The following CDIN1 variants were observed in gnomAD, a reference collection of about 807,000 sequenced individuals.
The protein encoded by CDIN1 is CDAN1 interacting nuclease 1, also known as CDAN1-interacting nuclease 1.
A neutral mutation model predicts 45.3 loss-of-function variants in CDIN1; 33 were observed. The observed-to-expected ratio is 0.73, with a 90% CI of 0.55 to 0.97. CDIN1 has a LOEUF of 0.97. Among genes scored for constraint, CDIN1 ranks in the 50% least tolerant of loss-of-function variants. CDIN1 has a pLI of 0.00. For synonymous variants in CDIN1, 118 were observed against 124.4 expected (o/e 0.95, Z 0.34); for missense variants, 303 against 339.4 (o/e 0.89, Z 0.84).
At chr15:36,715,097 T>C (rs1448260525) in intron 10 of CDIN1, among the ~76,000 whole-genome samples, 1 of 152,170 alleles carries the variant, frequency 6.6e-6, no homozygotes, top group African/African-American at 2.4e-5. Context: ...GAAAGCCATT[T>C]CTTGTTCTGA....
chr15:36,638,688 A>G (rs2140380157), intron 1 of CDIN1, among the ~76,000 whole-genome samples: 1 of 152,360 alleles, frequency 6.6e-6, no homozygotes, highest in East Asian at 1.9e-4. Flanking sequence ...TTATGAAGTT[A>G]AAGAAAAACT....
chr15:36,703,695 A>G (rs920673424), intron 8 of CDIN1, among the ~76,000 whole-genome samples: 1 of 152,092 alleles, frequency 6.6e-6, no homozygotes, highest in Admixed American at 6.6e-5. Context: ...GGTCCTGTGC[A>G]TGGGTGCACT....
In CDIN1 at chr15:36,580,080, G is replaced by A. The variant is rs1229959234; in HGVS notation, c.101+119G>A. ...GAGTGGGGAGGAACACCAGTGTCAGGCGTTAGGAGGTCGAGGTTGGCGAAA... is the reference window on the plus strand; with the variant it reads ...GAGTGGGGAGGAACACCAGTGTCAGACGTTAGGAGGTCGAGGTTGGCGAAA... On this transcript the variant is annotated intron_variant, in intron 1 of 10. Coordinates refer to ENST00000566621, the MANE Select transcript of CDIN1 (RefSeq NM_001321759.2). 6.0e-6 allele frequency: 5 copies of A among 831,718 alleles called. No individual in the cohort carries two copies. The African/African-American group carries it at 8.6e-5, about 14-fold the overall frequency. The allele number at this position is 831,718 out of a possible 1,614,324, so 51.5% of individuals were successfully genotyped here.
At chr15:36,614,470 A>G (rs1291773080) in intron 1 of CDIN1, among the ~76,000 whole-genome samples, 1 of 152,230 alleles carries the variant, frequency 6.6e-6, no homozygotes, top group East Asian at 1.9e-4. Context: ...AAAGCATGTT[A>G]TGATGTACAC....
At chr15:36,793,057 A>T (rs1371092640) in intron 10 of CDIN1, among the ~76,000 whole-genome samples, 1 of 152,066 alleles carries the variant, frequency 6.6e-6, no homozygotes, top group African/African-American at 2.4e-5. Context: ...CACTCGGTGA[A>T]CTTTGACTTC....
At chr15:36,793,957 A>T (rs2054716700) in intron 10 of CDIN1, among the ~76,000 whole-genome samples, 1 of 148,606 alleles carries the variant, frequency 6.7e-6, no homozygotes, top group African/African-American at 2.5e-5. Context: ...CAGAGACTTT[A>T]TTAGTTAAAA....
chr15:36,624,725 C>T (rs1363873786), intron 1 of CDIN1, among the ~76,000 whole-genome samples: 1 of 151,884 alleles, frequency 6.6e-6, no homozygotes, highest in Non-Finnish European at 1.5e-5. Flanking sequence ...GAGTAAGAAG[C>T]AGAAGACAGG....
At chr15:36,748,259 C>T (rs1272181308) in intron 10 of CDIN1, among the ~76,000 whole-genome samples, 5 of 152,216 alleles carry the variant, frequency 3.3e-5, no homozygotes, top group South Asian at 2.1e-4. Context: ...TGGAAAGTAT[C>T]TGTAAGTAAA....
chr15:36,608,825 G>A (rs1034003958), intron 1 of CDIN1, among the ~76,000 whole-genome samples: 7 of 151,938 alleles, frequency 4.6e-5, no homozygotes, highest in Admixed American at 4.6e-4. Context: ...AAAAAACTTG[G>A]CAAGCAATCT....
chr15:36,603,653 C>T (rs1226917110), intron 1 of CDIN1, among the ~76,000 whole-genome samples: 4 of 152,120 alleles, frequency 2.6e-5, no homozygotes, highest in Admixed American at 2.6e-4. Flanking sequence ...AGCTCCTACT[C>T]TCCTATTATA....
chr15:36,702,156 T>C, intron 8 of CDIN1: 1 of 701,758 alleles, frequency 1.4e-6, no homozygotes, highest in Non-Finnish European at 2.6e-6. Context: ...TGGCTGGGTA[T>C]TTCATAAGGA....
At chr15:36,774,465 G>A (rs1469990587) in intron 10 of CDIN1, among the ~76,000 whole-genome samples, 1 of 150,920 alleles carries the variant, frequency 6.6e-6, no homozygotes, top group African/African-American at 2.4e-5. Flanking sequence ...AAAATAAATT[G>A]AACCAAGAAT....
intron 7 of CDIN1, among the ~76,000 whole-genome samples, chr15:36,694,064 AT>A (rs1394088195): frequency 6.6e-6 from 1 of 152,180 alleles, no homozygotes; most frequent in Non-Finnish European, 1.5e-5. Flanking sequence ...TATAAGTTTT[AT>A]TTTCTAGACT....
chr15:36,627,647 T>A (rs1225347378), intron 1 of CDIN1: 1 of 152,348 alleles, frequency 6.6e-6, no homozygotes, highest in Non-Finnish European at 1.5e-5. Flanking sequence ...GGCCTTGCTG[T>A]AGTGGTACTC....
chr15:36,700,392 TA>T (rs1716045700), intron 8 of CDIN1, among the ~76,000 whole-genome samples: 1 of 152,264 alleles, frequency 6.6e-6, no homozygotes, highest in South Asian at 2.1e-4. Context: ...ATTGTCTCGA[TA>T]ATGAAAATAA....
At chr15:36,663,517 A>G (rs1256241770) in intron 5 of CDIN1, among the ~76,000 whole-genome samples, 1 of 152,106 alleles carries the variant, frequency 6.6e-6, no homozygotes, top group Non-Finnish European at 1.5e-5. Context: ...TGTTCTTGTA[A>G]TAGTGAGTGA....
chr15:36,617,619 A>G (rs2038955245), intron 1 of CDIN1: 2 of 772,164 alleles, frequency 2.6e-6, no homozygotes, highest in Non-Finnish European at 4.8e-6. Flanking sequence ...TTGAAGTGTT[A>G]AGTTCTTCTC....
intron 1 of CDIN1, among the ~76,000 whole-genome samples, chr15:36,634,025 T>A (rs2039793196): frequency 6.6e-6 from 1 of 152,002 alleles, no homozygotes; most frequent in African/African-American, 2.4e-5. Context: ...GTGCTGGGAT[T>A]ACAGGTGTGA....
At chr15:36,643,224 G>C (rs186933121) in intron 1 of CDIN1, among the ~76,000 whole-genome samples, 2 of 151,964 alleles carry the variant, frequency 1.3e-5, no homozygotes, top group Non-Finnish European at 2.9e-5. Flanking sequence ...CTTGTAATTT[G>C]GTAAGGGTGG....
Sources: allele counts gnomAD v4.1 joint callset (sites outside exome capture counted in the v4.1 genomes callset), GRCh38; gene constraint gnomAD v4.1.1; transcripts MANE v1.5; gene names NCBI Gene and HGNC (gene_info 2026-07-23, HGNC 2026-07-21).